Variants in CAST observed in about 807,000 individuals in gnomAD.
CAST encodes MIR583 host.
A neutral mutation model predicts 119.6 loss-of-function variants in CAST; 76 were observed. That is an observed-to-expected ratio of 0.64 (90% CI 0.53 to 0.77). The LOEUF is 0.77. Among genes scored for constraint, CAST ranks in the 30% least tolerant of loss-of-function variants. The pLI is 0.00. For synonymous variants in CAST, 319 were observed against 331.6 expected (o/e 0.96, Z 0.41); for missense variants, 953 against 946.5 (o/e 1.01, Z -0.09).
the CAST span, among the ~76,000 whole-genome samples, chr5:96,196,734 G>A: frequency 2.6e-5 from 4 of 152,222 alleles, no homozygotes; most frequent in African/African-American, 7.2e-5. Flanking sequence ...AGATAACGCA[G>A]GGTCCTGCAG....
At chr5:96,681,527 A>G (rs1751409088) in intron 2 of CAST, among the ~76,000 whole-genome samples, 1 of 151,720 alleles carries the variant, frequency 6.6e-6, no homozygotes, top group Admixed American at 6.6e-5. Flanking sequence ...AGGTCAGGAG[A>G]TCGAGACCAT....
At chr5:96,473,524 C>G in the CAST span, among the ~76,000 whole-genome samples, 1 of 152,252 alleles carries the variant, frequency 6.6e-6, no homozygotes, top group African/African-American at 2.4e-5. Flanking sequence ...TCCAGTGTGG[C>G]TCTTGTTCTC....
the CAST span, among the ~76,000 whole-genome samples, chr5:96,231,686 TATA>T: frequency 1.3e-4 from 20 of 151,816 alleles, no homozygotes; most frequent in Middle Eastern, 3.2e-3. Flanking sequence ...ATAATTATGA[TATA>T]ATATAAAAAT....
At chr5:96,208,178 A>T in the CAST span, among the ~76,000 whole-genome samples, 4 of 140,174 alleles carry the variant, frequency 2.9e-5, no homozygotes, top group African/African-American at 8.0e-5. Flanking sequence ...CCCCTTTGTC[A>T]TTTCTGATTG....
the CAST span, among the ~76,000 whole-genome samples, chr5:96,492,913 G>T: frequency 1.3e-5 from 2 of 152,224 alleles, no homozygotes; most frequent in African/African-American, 4.8e-5. Flanking sequence ...GCAGGTTAGA[G>T]TCCAAAATAA....
At chr5:96,461,515 C>CA in the CAST span, among the ~76,000 whole-genome samples, 8 of 152,066 alleles carry the variant, frequency 5.3e-5, no homozygotes, top group African/African-American at 1.9e-4. Context: ...TCCTCACTGA[C>CA]ACTGGTCATT....
At chr5:96,559,241 A>C (rs181589228) in intron 1 of CAST, among the ~76,000 whole-genome samples, 1,808 of 152,300 alleles carry the variant, frequency 0.012, 52 homozygotes, top group African/African-American at 0.042. Context: ...ACAAACCCAC[A>C]GCCAATATCA....
intron 1 of CAST, among the ~76,000 whole-genome samples, chr5:96,555,470 T>G (rs1746219566): frequency 6.6e-6 from 1 of 152,076 alleles, no homozygotes. Flanking sequence ...GAATTCCCTT[T>G]CCTAGTCAAA....
chr5:96,719,771 C>G (rs1365159765), intron 3 of CAST, among the ~76,000 whole-genome samples: 1 of 152,184 alleles, frequency 6.6e-6, no homozygotes, highest in Non-Finnish European at 1.5e-5. Flanking sequence ...AAGTGGCAGG[C>G]ACTGCAGTAG....
the CAST span, among the ~76,000 whole-genome samples, chr5:96,163,633 T>C: frequency 3.1e-3 from 477 of 152,366 alleles, 1 homozygote; most frequent in Non-Finnish European, 3.7e-3. Flanking sequence ...TAGATTTCTA[T>C]TGCCCAGCCA....
chr5:96,351,934 G>A, the CAST span, among the ~76,000 whole-genome samples: 1 of 152,156 alleles, frequency 6.6e-6, no homozygotes, highest in Non-Finnish European at 1.5e-5. Context: ...TAACCGAAAT[G>A]CCTTTAATTG....
the CAST span, among the ~76,000 whole-genome samples, chr5:96,116,455 G>T: frequency 6.6e-6 from 1 of 152,072 alleles, no homozygotes; most frequent in Non-Finnish European, 1.5e-5. Flanking sequence ...CATTTCTCTT[G>T]GGTAAATACC....
At chr5:96,471,843 T>C in the CAST span, among the ~76,000 whole-genome samples, 1 of 150,512 alleles carries the variant, frequency 6.6e-6, no homozygotes, top group African/African-American at 2.5e-5. Flanking sequence ...AAATTTAGCT[T>C]ACATTTTTTT....
chr5:96,588,416 G>A (rs532428015), intron 1 of CAST, among the ~76,000 whole-genome samples: 3 of 152,038 alleles, frequency 2.0e-5, no homozygotes, highest in Admixed American at 1.3e-4. Flanking sequence ...TGGCCAGGAT[G>A]GCCTTGATCT....
the CAST span, among the ~76,000 whole-genome samples, chr5:96,055,060 A>G: frequency 6.6e-6 from 1 of 152,266 alleles, no homozygotes; most frequent in Admixed American, 6.5e-5. Context: ...GAAGCCATGC[A>G]GATTTATTCT....
chr5:96,643,688 C>T (rs530646523), intron 1 of CAST, among the ~76,000 whole-genome samples: 5 of 152,244 alleles, frequency 3.3e-5, no homozygotes, highest in South Asian at 2.1e-4. Flanking sequence ...ACCTGGCCAA[C>T]ATGGTGAAAC....
chr5:96,262,429 T>A, the CAST span, among the ~76,000 whole-genome samples: 1 of 152,340 alleles, frequency 6.6e-6, no homozygotes, highest in South Asian at 2.1e-4. Flanking sequence ...AAAATCAGGC[T>A]TTCATGCCCT....
chr5:96,680,898 T>C (rs1249997433), intron 2 of CAST, among the ~76,000 whole-genome samples: 1 of 152,260 alleles, frequency 6.6e-6, no homozygotes, highest in East Asian at 1.9e-4. Flanking sequence ...GAGTCGATTG[T>C]GGCTGCACAA....
the CAST span, among the ~76,000 whole-genome samples, chr5:96,232,969 AACACAGAT>A: frequency 1.3e-5 from 2 of 152,110 alleles, no homozygotes; most frequent in South Asian, 4.1e-4. Flanking sequence ...TGCATATGTT[AACACAGAT>A]ACTTATTACA....
Sources: allele counts gnomAD v4.1 joint callset (sites outside exome capture counted in the v4.1 genomes callset), GRCh38; gene constraint gnomAD v4.1.1; transcripts MANE v1.5; gene names NCBI Gene and HGNC (gene_info 2026-07-23, HGNC 2026-07-21).